Variants in KCNK2 observed in about 807,000 individuals in gnomAD.
The protein encoded by KCNK2 is potassium two pore domain channel subfamily K member 2, also known as potassium channel subfamily K member 2.
KCNK2 carries 21 observed loss-of-function variants against 40.5 expected under a neutral mutation model. That is an observed-to-expected ratio of 0.52 (90% CI 0.37 to 0.75). The LOEUF is 0.75. Among genes scored for constraint, KCNK2 ranks in the 30% least tolerant of loss-of-function variants. The pLI, the probability that KCNK2 is intolerant of heterozygous loss-of-function variation, is 0.00. For synonymous variants in KCNK2, 191 were observed against 202.2 expected, an observed-to-expected ratio of 0.94 and a Z score of 0.47; for missense variants, 399 against 531.6, an observed-to-expected ratio of 0.75 and a Z score of 2.45.
intron 6 of KCNK2, among the ~76,000 whole-genome samples, chr1:215,227,514 A>T (rs1238266637): frequency 6.6e-6 from 1 of 152,204 alleles, no homozygotes; most frequent in African/African-American, 2.4e-5. Flanking sequence ...TTGAGGCTGA[A>T]ACAGCAGGTA....
At chr1:215,210,905 A>G (rs1665717351) in intron 6 of KCNK2, among the ~76,000 whole-genome samples, 1 of 152,086 alleles carries the variant, frequency 6.6e-6, no homozygotes, top group South Asian at 2.1e-4. Flanking sequence ...TTCAACAGTG[A>G]TCTGAAAATG....
chr1:215,143,541 A>G (rs1468942634), intron 3 of KCNK2, among the ~76,000 whole-genome samples: 1 of 152,160 alleles, frequency 6.6e-6, no homozygotes, highest in African/African-American at 2.4e-5. Context: ...TAACAACCCT[A>G]TAAGGTGGTT....
intron 3 of KCNK2, among the ~76,000 whole-genome samples, chr1:215,164,569 C>A (rs549056372): frequency 3.9e-5 from 6 of 152,106 alleles, no homozygotes; most frequent in Admixed American, 2.6e-4. Flanking sequence ...ATAAATTTCC[C>A]TCTATACACT....
At chr1:215,063,722 A>T (rs778121761) in intron 1 of KCNK2, among the ~76,000 whole-genome samples, 16 of 152,134 alleles carry the variant, frequency 1.1e-4, no homozygotes, top group Non-Finnish European at 1.6e-4. Flanking sequence ...TGTGATTGGG[A>T]CGAGAATAGA....
chr1:215,135,208 T>A (rs1268540143), intron 3 of KCNK2, among the ~76,000 whole-genome samples: 1 of 152,086 alleles, frequency 6.6e-6, no homozygotes, highest in East Asian at 1.9e-4. Context: ...ACAAGGAACA[T>A]CAGATTTCAC....
intron 2 of KCNK2, among the ~76,000 whole-genome samples, chr1:215,104,623 T>C (rs1229764843): frequency 1.3e-5 from 2 of 152,222 alleles, no homozygotes; most frequent in East Asian, 3.9e-4. Context: ...GCAGGTGGTG[T>C]CTTTATGAAG....
At chr1:215,050,099 T>A (rs1657929946) in intron 1 of KCNK2, among the ~76,000 whole-genome samples, 1 of 152,164 alleles carries the variant, frequency 6.6e-6, no homozygotes. Context: ...TGGGGAGAAT[T>A]GAGATTTTTG....
chr1:215,024,550 A>G (rs1331597576), intron 1 of KCNK2, among the ~76,000 whole-genome samples: 1 of 152,080 alleles, frequency 6.6e-6, no homozygotes, highest in Non-Finnish European at 1.5e-5. Flanking sequence ...GTCTTGCAAT[A>G]TTTTGCCATA....
At chr1:215,230,507 G>GTATATATATATA (rs201898524) in intron 6 of KCNK2, among the ~76,000 whole-genome samples, 36 of 65,556 alleles carry the variant, frequency 5.5e-4, no homozygotes, top group South Asian at 9.9e-4. Flanking sequence ...ACACACGGCT[G>GTATATATATATA]TATATATATA....
At chr1:215,033,071 A>G (rs1359373982) in intron 1 of KCNK2, among the ~76,000 whole-genome samples, 1 of 148,914 alleles carries the variant, frequency 6.7e-6, no homozygotes, top group Non-Finnish European at 1.5e-5. Flanking sequence ...CTTCACTTTC[A>G]GTTTTGGAGG....
intron 2 of KCNK2, among the ~76,000 whole-genome samples, chr1:215,089,832 T>C (rs1462251447): frequency 9.6e-5 from 6 of 62,634 alleles, no homozygotes; most frequent in Non-Finnish European, 1.5e-4. Context: ...TTTCTTTTTT[T>C]TTTTTTATTT....
At position 215,083,038 on chromosome 1, in the gene KCNK2, C is replaced by T. The variant is rs1212798664; in HGVS notation, c.-348C>T. The T allele has an allele frequency of 1.3e-5, 2 of 158,068 alleles. No homozygotes were observed. Among genetic ancestry groups the T allele is most frequent in the African/African-American group, 2.4e-5 (1 of 40,884 alleles). The allele number at this position is 158,068 out of a possible 1,614,324, so 9.8% of individuals were successfully genotyped here. On this transcript the variant is annotated 5_prime_UTR_variant, in exon 1 of 7. Coordinates refer to ENST00000444842, the MANE Select transcript of KCNK2 (RefSeq NM_001017425.3). ...GGCGGCGGCGGCGGCGGCGGGCAGGCGCGGGACCCGGGTCGCCCGCGCTCT... is the reference window on the plus strand; with the variant it reads ...GGCGGCGGCGGCGGCGGCGGGCAGGTGCGGGACCCGGGTCGCCCGCGCTCT...
intron 2 of KCNK2, among the ~76,000 whole-genome samples, chr1:215,102,626 C>T (rs1454647012): frequency 6.6e-6 from 1 of 152,038 alleles, no homozygotes; most frequent in Non-Finnish European, 1.5e-5. Flanking sequence ...TTCTCATTCA[C>T]TCACCGTCAC....
chr1:215,025,474 A>G (rs1038043431), intron 1 of KCNK2, among the ~76,000 whole-genome samples: 18 of 152,086 alleles, frequency 1.2e-4, no homozygotes, highest in Non-Finnish European at 2.5e-4. Context: ...TACTTTAAGT[A>G]ATATAAATAT....
chr1:215,015,510 C>G (rs1200991855), intron 1 of KCNK2, among the ~76,000 whole-genome samples: 1 of 152,074 alleles, frequency 6.6e-6, no homozygotes, highest in Non-Finnish European at 1.5e-5. Context: ...AACTCTTTAT[C>G]CATTCATGAC....
At chr1:215,100,690 T>C (rs1267976835) in intron 2 of KCNK2, among the ~76,000 whole-genome samples, 1 of 152,174 alleles carries the variant, frequency 6.6e-6, no homozygotes, top group East Asian at 1.9e-4. Flanking sequence ...TTACTCCTGC[T>C]TCTCAGAAAG....
At chr1:215,165,345 A>G (rs748198074) in intron 3 of KCNK2, among the ~76,000 whole-genome samples, 36 of 152,128 alleles carry the variant, frequency 2.4e-4, no homozygotes, top group Non-Finnish European at 5.0e-4. Context: ...TTATATGTGA[A>G]AAGTTGCCTT....
Position 215,105,769 on chromosome 1 carries a change from C to T in KCNK2, c.358-18864C>T, listed in dbSNP as rs535225054. 3.9e-5 allele frequency among the ~76,000 whole-genome samples: 6 copies of T among 152,000 alleles called. No homozygotes were observed. In the South Asian group the frequency reaches 1.0e-3, roughly 26 times the overall value. ...CCTTCTTCCCTGCTCTAGTAGTTCC[C>T]GGTGTCTGTTGTTCCCATCTTTATG... On this transcript the variant is annotated intron_variant, in intron 2 of 6. Coordinates refer to ENST00000444842, the MANE Select transcript of KCNK2 (RefSeq NM_001017425.3).
At chr1:215,225,875 C>A (rs1666367040) in intron 6 of KCNK2, among the ~76,000 whole-genome samples, 1 of 152,102 alleles carries the variant, frequency 6.6e-6, no homozygotes, top group Non-Finnish European at 1.5e-5. Flanking sequence ...TCCTTACCTT[C>A]AAAAAATTGG....
Sources: allele counts gnomAD v4.1 joint callset (sites outside exome capture counted in the v4.1 genomes callset), GRCh38; gene constraint gnomAD v4.1.1; transcripts MANE v1.5; gene names NCBI Gene and HGNC (gene_info 2026-07-23, HGNC 2026-07-21).